Variants in NAV2 observed in about 807,000 individuals in gnomAD.
NAV2 encodes neuron navigator 2, also known as helicase, APC down-regulated 1.
Under a neutral mutation model 223.2 loss-of-function variants are expected in NAV2, and 54 were observed. The observed-to-expected ratio is 0.24, with a 90% CI of 0.19 to 0.30. The LOEUF (loss-of-function observed/expected upper bound fraction) is 0.30, where lower values mean the gene tolerates loss of function less well. Ranked by LOEUF, NAV2 falls within the 10% of genes least tolerant of loss-of-function variation. The pLI, the probability that NAV2 is intolerant of heterozygous loss-of-function variation, is 1.00. For missense variants in NAV2, 2,806 were observed against 3,147.5 expected, an observed-to-expected ratio of 0.89 and a Z score of 2.60; for synonymous variants, 1,279 against 1,239.3, an observed-to-expected ratio of 1.03 and a Z score of -0.67.
intron 1 of NAV2, among the ~76,000 whole-genome samples, chr11:19,631,076 A>G (rs2047331074): frequency 6.7e-6 from 1 of 149,302 alleles, no homozygotes; most frequent in Non-Finnish European, 1.5e-5. Flanking sequence ...CTTTCATTTT[A>G]TCCATGGCCC....
At chr11:19,779,642 T>C (rs1478399973) in intron 1 of NAV2, among the ~76,000 whole-genome samples, 2 of 152,378 alleles carry the variant, frequency 1.3e-5, no homozygotes, top group East Asian at 3.9e-4. Flanking sequence ...TTTACAACTC[T>C]CTTTCCCCAG....
At chr11:19,478,158 G>A (rs1179779583) in intron 1 of NAV2, among the ~76,000 whole-genome samples, 1 of 152,242 alleles carries the variant, frequency 6.6e-6, no homozygotes, top group Non-Finnish European at 1.5e-5. Flanking sequence ...GTGGGCAGGT[G>A]CCAGGGGAGA....
intron 1 of NAV2, among the ~76,000 whole-genome samples, chr11:19,800,471 T>C (rs371978084): frequency 5.3e-4 from 81 of 152,274 alleles, no homozygotes; most frequent in African/African-American, 1.9e-3. Flanking sequence ...AAATGTAAAA[T>C]AATTCTTCTT....
intron 8 of NAV2, among the ~76,000 whole-genome samples, chr11:19,941,061 C>T (rs554894513): frequency 1.6e-3 from 238 of 152,182 alleles, no homozygotes; most frequent in Non-Finnish European, 2.6e-3. Context: ...ATGTGTGGCC[C>T]GTGGAGCAGT....
In NAV2 at chr11:19,382,552, C is replaced by T. The variant is rs534559763; in HGVS notation, c.75+31525C>T. 2.0e-5 allele frequency among the ~76,000 whole-genome samples: 3 copies of T among 152,318 alleles called. No homozygotes were observed. In the East Asian group the frequency reaches 5.8e-4, roughly 29 times the overall value. ...ACTTTGCTTCACGGCAACAACAGCT[C>T]TGTGGGAAGTAATTGTCTCCCCCAC... On this transcript the variant is annotated intron_variant, in intron 1 of 37. Coordinates refer to the NAV2 transcript ENST00000360655.
chr11:20,077,955 T>C (rs1235821238), intron 23 of NAV2, 38 bp from the exon 24 acceptor site: 6 of 1,526,000 alleles, frequency 3.9e-6, no homozygotes, highest in Non-Finnish European at 4.5e-6. Flanking sequence ...CTGTACAGAA[T>C]GATTTTAGGC....
chr11:19,547,638 C>T, intron 1 of NAV2, among the ~76,000 whole-genome samples: 1 of 151,962 alleles, frequency 6.6e-6, no homozygotes, highest in East Asian at 1.9e-4. Context: ...TTTCTTTTTT[C>T]TTGGGACCCC....
intron 1 of NAV2, among the ~76,000 whole-genome samples, chr11:19,771,922 T>G (rs1252868337): frequency 1.3e-5 from 2 of 152,106 alleles, no homozygotes; most frequent in Admixed American, 6.5e-5. Context: ...CAGACCCCAG[T>G]GTTCCAAGGC....
intron 3 of NAV2, among the ~76,000 whole-genome samples, chr11:19,853,781 T>A (rs983608755): frequency 6.6e-6 from 1 of 151,442 alleles, no homozygotes; most frequent in Non-Finnish European, 1.5e-5. Context: ...ACTGAACGTC[T>A]GGGGTGATAA....
At chr11:19,853,885 T>C (rs1271133378) in intron 3 of NAV2, among the ~76,000 whole-genome samples, 1 of 152,192 alleles carries the variant, frequency 6.6e-6, no homozygotes, top group Non-Finnish European at 1.5e-5. Flanking sequence ...CTCACACTGC[T>C]TAGCAACCTG....
intron 5 of NAV2, among the ~76,000 whole-genome samples, chr11:19,884,979 C>A (rs1245937241): frequency 6.6e-6 from 1 of 152,170 alleles, no homozygotes; most frequent in African/African-American, 2.4e-5. Flanking sequence ...CAGGCTTGCT[C>A]ACAAGCTAGT....
chr11:19,952,422 A>G (rs909286726), intron 10 of NAV2, among the ~76,000 whole-genome samples: 2 of 152,244 alleles, frequency 1.3e-5, no homozygotes, highest in Admixed American at 6.5e-5. Flanking sequence ...ATAAAGACCA[A>G]AATCCCAGTC....
upstream of NAV2, among the ~76,000 whole-genome samples, chr11:19,349,914 T>A (rs560437060): frequency 1.2e-4 from 18 of 152,254 alleles, 1 homozygote; most frequent in African/African-American, 4.3e-4. Flanking sequence ...AGGCAGTTGC[T>A]TTTCGGCCCT....
At chr11:19,645,914 A>C (rs2047803252) in intron 1 of NAV2, among the ~76,000 whole-genome samples, 1 of 152,176 alleles carries the variant, frequency 6.6e-6, no homozygotes, top group East Asian at 1.9e-4. Context: ...CCCAGTGGTA[A>C]ATGACAAAGC....
chr11:19,821,987 CTT>C (rs1264610728), intron 1 of NAV2, among the ~76,000 whole-genome samples: 1 of 152,164 alleles, frequency 6.6e-6, no homozygotes, highest in Non-Finnish European at 1.5e-5. Flanking sequence ...CACTTTGCCT[CTT>C]TGAGCCTCAG....
chr11:20,017,706 A>G (rs528074302), intron 11 of NAV2, among the ~76,000 whole-genome samples: 156 of 152,304 alleles, frequency 1.0e-3, no homozygotes, highest in Non-Finnish European at 2.0e-3. Context: ...TTTCTACCCC[A>G]AAGCTGCCTA....
intron 5 of NAV2, among the ~76,000 whole-genome samples, chr11:19,884,928 A>C (rs1303012270): frequency 6.6e-6 from 1 of 152,196 alleles, no homozygotes; most frequent in Non-Finnish European, 1.5e-5. Flanking sequence ...GGATGCTCTT[A>C]GGTGCCATGG....
At chr11:19,985,274 T>C (rs1345629312) in intron 11 of NAV2, among the ~76,000 whole-genome samples, 1 of 152,146 alleles carries the variant, frequency 6.6e-6, no homozygotes, top group Non-Finnish European at 1.5e-5. Context: ...CACCCAGAGA[T>C]GGAATTTGCT....
chr11:19,698,122 C>T (rs546874721), intron 1 of NAV2, among the ~76,000 whole-genome samples: 50 of 151,746 alleles, frequency 3.3e-4, no homozygotes, highest in Middle Eastern at 3.4e-3. Flanking sequence ...TTGTGTAATC[C>T]AGGAGAGAAC....
Sources: gnomAD v4.1 joint callset for allele counts (sites outside exome capture counted in the v4.1 genomes callset) on GRCh38, gnomAD v4.1.1 for gene constraint, MANE v1.5 for transcripts, NCBI Gene and HGNC (gene_info 2026-07-23, HGNC 2026-07-21) for gene names.